The following SFSWAP variants were observed in gnomAD, a reference collection of about 807,000 sequenced individuals.
SFSWAP encodes splicing factor, suppressor of white-apricot homolog.
SFSWAP carries 17 observed loss-of-function variants against 100.7 expected under a neutral mutation model. That is an observed-to-expected ratio of 0.17 (90% CI 0.12 to 0.25). The LOEUF (loss-of-function observed/expected upper bound fraction) is 0.25, where lower values mean the gene tolerates loss of function less well. Ranked by LOEUF, SFSWAP falls within the 10% of genes least tolerant of loss-of-function variation. SFSWAP has a pLI of 1.00. For synonymous variants in SFSWAP, 504 were observed against 510.1 expected, an observed-to-expected ratio of 0.99 and a Z score of 0.16; for missense variants, 1,005 against 1,262.6, an observed-to-expected ratio of 0.80 and a Z score of 3.09.
chr12:131,774,740 C>T (rs1440821181), intron 13 of SFSWAP, among the ~76,000 whole-genome samples: 1 of 145,244 alleles, frequency 6.9e-6, no homozygotes, highest in Non-Finnish European at 1.6e-5. Flanking sequence ...CACAACAGCT[C>T]TAGTTTTCAC....
At chr12:131,796,546 A>C (rs1484328961) in intron 15 of SFSWAP, 1 of 152,550 alleles carries the variant, frequency 6.6e-6, no homozygotes, top group African/African-American at 2.4e-5. Context: ...AAGCGGTATC[A>C]CCAAGCGGCG....
At chr12:131,784,896 T>C in intron 14 of SFSWAP, 1 of 461,540 alleles carries the variant, frequency 2.2e-6, no homozygotes. Context: ...GTTAAGAATT[T>C]GCAGGCCTTA....
At chr12:131,724,088 A>T (rs191374033) in intron 4 of SFSWAP, among the ~76,000 whole-genome samples, 46 of 152,364 alleles carry the variant, frequency 3.0e-4, no homozygotes, top group African/African-American at 1.1e-3. Context: ...GTTGGTAGCC[A>T]ACCTTGAAAT....
chr12:131,741,735 C>A (rs549316623), intron 7 of SFSWAP, among the ~76,000 whole-genome samples: 1 of 151,934 alleles, frequency 6.6e-6, no homozygotes, highest in Non-Finnish European at 1.5e-5. Context: ...ACAGCCTCCC[C>A]CTCTGTTGCA....
At chr12:131,775,073 C>T (rs979504289) in intron 13 of SFSWAP, among the ~76,000 whole-genome samples, 1 of 152,196 alleles carries the variant, frequency 6.6e-6, no homozygotes, top group Non-Finnish European at 1.5e-5. Flanking sequence ...CTTTCACAGA[C>T]GTTTGCCAGG....
chr12:131,766,402 T>G lies in SFSWAP; in HGVS notation c.2142+94T>G. On this transcript the variant is annotated intron_variant, in intron 13 of 17. Transcript: ENST00000261674. ...CCTCCAGCTGCCCTAGTCTCTGGCC[T>G]GAGTGAGGGATATGAGCTCCCAGCT... is the stretch of plus-strand genomic sequence containing the variant. 3.5e-6 allele frequency: 4 copies of G among 1,146,308 alleles called. No individual in the cohort carries two copies. The South Asian group carries it at 5.6e-5, about 16-fold the overall frequency. 71.0% of individuals were successfully genotyped at this position (1,146,308 alleles called of 1,614,324 possible). A position where few individuals can be genotyped will look rare whatever the true frequency, so the allele number is the denominator to read the frequency against.
chr12:131,776,343 G>C (rs1884024242), intron 13 of SFSWAP, among the ~76,000 whole-genome samples: 1 of 152,132 alleles, frequency 6.6e-6, no homozygotes, highest in African/African-American at 2.4e-5. Flanking sequence ...CCACAACCAG[G>C]GAGGGGCATT....
At chr12:131,793,500 C>G (rs1442972332) in intron 15 of SFSWAP, among the ~76,000 whole-genome samples, 2 of 152,102 alleles carry the variant, frequency 1.3e-5, no homozygotes, top group Non-Finnish European at 1.5e-5. Context: ...TAAACAAAAA[C>G]TAGAACCATT....
At chr12:131,731,415 T>C (rs1879501013) in intron 7 of SFSWAP, among the ~76,000 whole-genome samples, 1 of 152,238 alleles carries the variant, frequency 6.6e-6, no homozygotes, top group South Asian at 2.1e-4. Context: ...TGAAAGTCCC[T>C]CATGACCTCG....
At chr12:131,743,094 CAT>C (rs1275358256) in intron 7 of SFSWAP, among the ~76,000 whole-genome samples, 1 of 152,228 alleles carries the variant, frequency 6.6e-6, no homozygotes, top group African/African-American at 2.4e-5. Flanking sequence ...CCTCCCACAA[CAT>C]GTGGGAATAG....
At chr12:131,713,373 A>G (rs1434361186) in intron 1 of SFSWAP, 1 of 152,238 alleles carries the variant, frequency 6.6e-6, no homozygotes, top group Non-Finnish European at 1.5e-5. Context: ...CCTTGAGGGT[A>G]TAAAGTTCAG....
In SFSWAP at chr12:131,781,456, C is replaced by T. The variant is rs542272506; in HGVS notation, c.2408+3126C>T. On this transcript the variant is annotated intron_variant, in intron 14 of 17. Transcript: ENST00000261674. ...GTTTCACCGTGTTAGCCAGGATGGTCTCGATCTCCTGACCTCATGATCCAC... is the reference window on the plus strand; with the variant it reads ...GTTTCACCGTGTTAGCCAGGATGGTTTCGATCTCCTGACCTCATGATCCAC... 3.1e-3 allele frequency among the ~76,000 whole-genome samples: 465 copies of T among 152,106 alleles called. 5 individuals carry two copies. Among genetic ancestry groups the T allele is most frequent in the African/African-American group, 0.011 (447 of 41,508 alleles).
rs1476222597 is a variant in SFSWAP at position 131,711,832 on chromosome 12, TC to T, written c.218+386del. 1 of 225,014 alleles carries T rather than the reference TC, an allele frequency of 4.4e-6. No homozygotes were observed. The highest frequency in any genetic ancestry group is 9.1e-6 in the Non-Finnish European group (1 of 110,404). 13.9% of individuals were successfully genotyped at this position (225,014 alleles called of 1,614,324 possible). On this transcript the variant is annotated intron_variant, in intron 1 of 17. Coordinates refer to ENST00000261674, the MANE Select transcript of SFSWAP (RefSeq NM_004592.4). The surrounding 1 kb of genome is among the most constrained non-coding windows in gnomAD (Gnocchi z 4.9). Reference sequence around the variant, plus strand: ...ATGCCATGGGGTCGTGCGCTGCTTTTCTACTTGCCGCGCTCTCACTGCTCGG... The same window carrying T: ...ATGCCATGGGGTCGTGCGCTGCTTTTTACTTGCCGCGCTCTCACTGCTCGG...
In SFSWAP at chr12:131,738,885, C is replaced by CTTTTTTT. The variant is rs71072785; in HGVS notation, c.1081+10475_1081+10481dup. Among the ~76,000 whole-genome samples, 41 of 48,752 alleles carry CTTTTTTT rather than the reference C, an allele frequency of 8.4e-4. 4 individuals are homozygous for CTTTTTTT. Among genetic ancestry groups the CTTTTTTT allele is most frequent in the African/African-American group, 1.6e-3 (27 of 17,136 alleles). 32.0% of individuals were successfully genotyped at this position (48,752 alleles called of 152,430 possible). Reference sequence around the variant, plus strand: ...TTCCAGTGCTGTAATGAACATTATTCTTTTTTTTTTTTTTTTTTTTTTTTG... The same window carrying CTTTTTTT: ...TTCCAGTGCTGTAATGAACATTATTCTTTTTTTTTTTTTTTTTTTTTTTTTTTTTTTG... On this transcript the variant is annotated intron_variant, in intron 7 of 17. Coordinates refer to ENST00000261674, the MANE Select transcript of SFSWAP (RefSeq NM_004592.4).
Position 131,786,593 on chromosome 12 carries a change from G to A in SFSWAP, c.2534+5G>A, listed in dbSNP as rs781122059. 45 of 1,588,188 alleles carry A rather than the reference G, an allele frequency of 2.8e-5. No individual in the cohort carries two copies. Among genetic ancestry groups the A allele is most frequent in the Non-Finnish European group, 3.8e-5 (45 of 1,168,876 alleles). ...TAGGAAGCGGACCCGCTCCAGGTAG[G>A]CCACTGGGTGTGCACGCAGGTGCTG... On this transcript the variant is annotated splice_donor_5th_base_variant and intron_variant, in intron 15 of 17. Coordinates refer to ENST00000261674, the MANE Select transcript of SFSWAP (RefSeq NM_004592.4).
chr12:131,781,690 C>G (rs770253910), intron 14 of SFSWAP, among the ~76,000 whole-genome samples: 6 of 152,148 alleles, frequency 3.9e-5, no homozygotes, highest in Non-Finnish European at 8.8e-5. Context: ...ATCCGACCTA[C>G]GTTTAAAACA....
chr12:131,750,920 C>A (rs1881563913), intron 7 of SFSWAP, among the ~76,000 whole-genome samples: 1 of 152,170 alleles, frequency 6.6e-6, no homozygotes, highest in African/African-American at 2.4e-5. Flanking sequence ...AGCATCCTCC[C>A]ACCTCAGCCT....
intron 7 of SFSWAP, among the ~76,000 whole-genome samples, chr12:131,741,220 C>A (rs528128092): frequency 5.3e-5 from 8 of 152,160 alleles, no homozygotes; most frequent in African/African-American, 1.9e-4. Context: ...CCTGCCTCGG[C>A]CCCTCAAAGT....
In SFSWAP at chr12:131,762,613, A is replaced by G. The variant is rs142431995; in HGVS notation, c.1721-1843A>G. On this transcript the variant is annotated intron_variant, in intron 11 of 17. Coordinates refer to ENST00000261674, the MANE Select transcript of SFSWAP (RefSeq NM_004592.4). ...TGTTTTGTTTTTTGTTTTTTTTGAGATAGAATCTCACTCTGTCACCCAGGC... is the reference window on the plus strand; with the variant it reads ...TGTTTTGTTTTTTGTTTTTTTTGAGGTAGAATCTCACTCTGTCACCCAGGC... Among the ~76,000 whole-genome samples the G allele has an allele frequency of 6.9e-3, 1,047 of 151,986 alleles. 10 individuals are homozygous for G. Among genetic ancestry groups the G allele is most frequent in the African/African-American group, 0.022 (931 of 41,444 alleles).
Sources: allele counts gnomAD v4.1 joint callset (sites outside exome capture counted in the v4.1 genomes callset), GRCh38; gene constraint gnomAD v4.1.1; non-coding constraint Gnocchi (gnomAD v3.1); transcripts MANE v1.5; gene names NCBI Gene and HGNC (gene_info 2026-07-23, HGNC 2026-07-21).